Variants in CXADR observed in about 807,000 individuals in gnomAD.
CXADR encodes the protein CXADR cell adhesion molecule.
A neutral mutation model predicts 40.3 loss-of-function variants in CXADR; 20 were observed. That is an observed-to-expected ratio of 0.50 (90% CI 0.35 to 0.72). The LOEUF (loss-of-function observed/expected upper bound fraction) is 0.72, where lower values mean the gene tolerates loss of function less well. Ranked by LOEUF, CXADR falls within the 30% of genes least tolerant of loss-of-function variation. CXADR has a pLI of 0.01. For synonymous variants in CXADR, 150 were observed against 161.3 expected, an observed-to-expected ratio of 0.93 and a Z score of 0.53; for missense variants, 332 against 449.1, an observed-to-expected ratio of 0.74 and a Z score of 2.36.
At chr21:17,623,264 G>A in the CXADR span, among the ~76,000 whole-genome samples, 1 of 151,972 alleles carries the variant, frequency 6.6e-6, no homozygotes, top group Non-Finnish European at 1.5e-5. Context: ...CTTTATTTTG[G>A]AAGTATTTAT....
chr21:17,606,137 G>A, the CXADR span, among the ~76,000 whole-genome samples: 2 of 152,084 alleles, frequency 1.3e-5, no homozygotes, highest in Non-Finnish European at 2.9e-5. Context: ...ATTATGCAAT[G>A]GACAATTTCC....
At chr21:17,575,068 G>T (rs1192392091), downstream of CXADR, among the ~76,000 whole-genome samples, 1 of 151,720 alleles carries the variant, frequency 6.6e-6, no homozygotes, top group East Asian at 1.9e-4. Flanking sequence ...GATATTTAGG[G>T]GTCCAATGCT....
intron 1 of CXADR, among the ~76,000 whole-genome samples, chr21:17,528,218 T>A (rs1045572668): frequency 1.3e-5 from 2 of 148,200 alleles, no homozygotes; most frequent in Non-Finnish European, 3.0e-5. Flanking sequence ...GGACTACAGG[T>A]GCCTGCCACC....
intron 1 of CXADR, among the ~76,000 whole-genome samples, 176 bp downstream of exon 1, chr21:17,513,348 C>A (rs1460909583): frequency 6.6e-6 from 1 of 151,304 alleles, no homozygotes; most frequent in Non-Finnish European, 1.5e-5. Context: ...GCCGGGCGCT[C>A]CTGGAGCCGT....
chr21:17,527,357 A>G (rs1188110505), intron 1 of CXADR: 3 of 152,194 alleles, frequency 2.0e-5, no homozygotes, highest in African/African-American at 4.8e-5. Flanking sequence ...CAGTTCAGCA[A>G]ATCTCTGCCA....
the CXADR span, chr21:17,608,715 G>A: frequency 2.7e-6 from 1 of 371,642 alleles, no homozygotes; most frequent in African/African-American, 2.1e-5. Flanking sequence ...ACTGTTAGGA[G>A]CCAGGCTATA....
chr21:17,597,064 T>G (rs2061513479), downstream of CXADR, among the ~76,000 whole-genome samples: 1 of 152,086 alleles, frequency 6.6e-6, no homozygotes, highest in African/African-American at 2.4e-5. Context: ...GTTTCTCTAT[T>G]ATAAAATGTT....
rs1255656993 is a variant in CXADR, at chr21:17,567,908, A to G, written c.*2216A>G. ...TGAGGAACAAGACTTCTCTTCCCAT[A>G]TACTTCATATTTTAGAGGACATTGT... On this transcript the variant is annotated 3_prime_UTR_variant, in exon 7 of 7. Coordinates refer to ENST00000284878, the MANE Select transcript of CXADR (RefSeq NM_001338.5). 1 of 979,792 alleles carries G rather than the reference A, an allele frequency of 1.0e-6. No homozygotes were observed. The highest frequency in any genetic ancestry group is 1.8e-5 in the African/African-American group (1 of 56,952). The allele number at this position is 979,792 out of a possible 1,614,324, so 60.7% of individuals were successfully genotyped here.
Position 17,569,889 on chromosome 21 carries a change from A to G in CXADR, c.*4197A>G. ...CTAATTGTGAATTTTAGTGATAAAT[A>G]CACCTGTACTACTGAGGAAAATATT... On this transcript the variant is annotated 3_prime_UTR_variant, in exon 7 of 7. Coordinates refer to ENST00000284878, the MANE Select transcript of CXADR (RefSeq NM_001338.5). 5.1e-6 allele frequency: 5 copies of G among 985,198 alleles called. No homozygotes were observed. The highest frequency in any genetic ancestry group is 5.2e-4 in the Middle Eastern group (1 of 1,914). The allele number at this position is 985,198 out of a possible 1,614,324, so 61.0% of individuals were successfully genotyped here. A position where few individuals can be genotyped will look rare whatever the true frequency, so the allele number is the denominator to read the frequency against.
At chr21:17,560,649 A>T (rs181542520) in intron 4 of CXADR, 53 bp from the exon 5 acceptor site, 8 of 1,552,828 alleles carry the variant, frequency 5.2e-6, no homozygotes. Flanking sequence ...CTAACACCTG[A>T]TAACAATACA....
At chr21:17,547,224 A>C in intron 2 of CXADR, 31 bp downstream of exon 2, 8 of 1,613,282 alleles carry the variant, frequency 5.0e-6, no homozygotes, top group Non-Finnish European at 6.8e-6. Flanking sequence ...CTCGCTTAGC[A>C]GCTGTCTGTG....
intron 1 of CXADR, among the ~76,000 whole-genome samples, chr21:17,534,519 CA>C (rs2060728685): frequency 6.6e-6 from 1 of 152,106 alleles, no homozygotes; most frequent in Non-Finnish European, 1.5e-5. Flanking sequence ...AATCTCAAAG[CA>C]ACTTCCTGGG....
intron 2 of CXADR, among the ~76,000 whole-genome samples, chr21:17,549,362 C>A (rs1457619310): frequency 6.6e-6 from 1 of 152,208 alleles, no homozygotes; most frequent in Non-Finnish European, 1.5e-5. Context: ...AAAGTAGGAA[C>A]AGCTATACCT....
intron 1 of CXADR, among the ~76,000 whole-genome samples, chr21:17,517,468 T>C (rs2060475509): frequency 6.6e-6 from 1 of 152,194 alleles, no homozygotes. Flanking sequence ...TTTCATAGAA[T>C]GCCCATTTGT....
At chr21:17,563,250 G>C (rs897829734) in intron 6 of CXADR, among the ~76,000 whole-genome samples, 4 of 152,106 alleles carry the variant, frequency 2.6e-5, no homozygotes, top group Non-Finnish European at 4.4e-5. Context: ...TCGCACCACT[G>C]CACCCTACCG....
Position 17,582,203 on chromosome 21 carries a change from G to A in CXADR, c.1018-10949G>A, listed in dbSNP as rs1403591272. Among the ~76,000 whole-genome samples the A allele has an allele frequency of 3.3e-5, 5 of 152,260 alleles. No individual in the cohort carries two copies. The East Asian group carries it at 9.7e-4, about 29-fold the overall frequency. ...ATTTTTGTATTTTTAGCAGAGACAA[G>A]GTTTCACCATGTAGGCCAGGCTGGT... On this transcript the variant is annotated intron_variant, in intron 7 of 7. Transcript: ENST00000400169.
chr21:17,528,467 G>A (rs1336571938), intron 1 of CXADR, among the ~76,000 whole-genome samples: 4 of 151,468 alleles, frequency 2.6e-5, no homozygotes, highest in South Asian at 2.1e-4. Flanking sequence ...GTGCAGTGGC[G>A]CGATCTCGGC....
At chr21:17,546,408 G>A (rs2070525) in intron 1 of CXADR, among the ~76,000 whole-genome samples, 106,473 of 152,128 alleles carry the variant, frequency 0.7, 39,984 homozygotes, top group Non-Finnish European at 0.83. Context: ...AAAGAGGTTT[G>A]ATTGGCTCTG....
chr21:17,606,372 G>A, the CXADR span, among the ~76,000 whole-genome samples: 965 of 152,098 alleles, frequency 6.3e-3, 59 homozygotes, highest in East Asian at 0.13. Flanking sequence ...CTATCTTAGC[G>A]TCACCATTAA....
Sources: allele counts gnomAD v4.1 joint callset (sites outside exome capture counted in the v4.1 genomes callset), GRCh38; gene constraint gnomAD v4.1.1; transcripts MANE v1.5; gene names NCBI Gene and HGNC (gene_info 2026-07-23, HGNC 2026-07-21).